Variants in C6orf132 observed in about 807,000 individuals in gnomAD.
C6orf132 encodes the protein uncharacterized protein C6orf132.
A neutral mutation model predicts 65.3 loss-of-function variants in C6orf132; 43 were observed. That is an observed-to-expected ratio of 0.66 (90% CI 0.52 to 0.85). The LOEUF is 0.85. Among genes scored for constraint, C6orf132 ranks in the 40% least tolerant of loss-of-function variants. The pLI, the probability that C6orf132 is intolerant of heterozygous loss-of-function variation, is 0.00. For synonymous variants in C6orf132, 631 were observed against 654.1 expected (o/e 0.96, Z 0.54); for missense variants, 1,488 against 1,548.8 (o/e 0.96, Z 0.66).
chr6:42,119,246 C>T (rs1766638160), intron 2 of C6orf132, among the ~76,000 whole-genome samples: 1 of 38,230 alleles, frequency 2.6e-5, no homozygotes, highest in African/African-American at 1.4e-4. Flanking sequence ...AAGACTCTGT[C>T]TCAAAAAAAA....
chr6:42,117,810 G>C (rs942188435), intron 2 of C6orf132, among the ~76,000 whole-genome samples: 2 of 146,958 alleles, frequency 1.4e-5, no homozygotes, highest in Non-Finnish European at 3.0e-5. Context: ...TGTAATCCCA[G>C]CTACTTGGGA....
At chr6:42,109,793 C>A (rs1766468337) in intron 3 of C6orf132, among the ~76,000 whole-genome samples, 1 of 152,154 alleles carries the variant, frequency 6.6e-6, no homozygotes, top group African/African-American at 2.4e-5. Context: ...TACATCCCAT[C>A]CACCACTTCA....
Position 42,103,643 on chromosome 6 carries a change from T to G in C6orf132, c.*118A>C. ...TTGGTCTTTGGGGATCAAAGACTCC[T>G]CTGTGTCTGAGTCAGGTCGCCCAAC... On this transcript the variant is annotated 3_prime_UTR_variant, in exon 5 of 5. Coordinates refer to ENST00000341865, the MANE Select transcript of C6orf132 (RefSeq NM_001164446.3). 2.0e-6 allele frequency: 1 copy of G among 505,924 alleles called. No individual in the cohort carries two copies. Among genetic ancestry groups the G allele is most frequent in the Non-Finnish European group, 3.1e-6 (1 of 317,598 alleles). The allele number at this position is 505,924 out of a possible 1,614,324, so 31.3% of individuals were successfully genotyped here.
Position 42,104,765 on chromosome 6 carries a change from C to G in C6orf132, c.3147G>C (p.Gly1049=). The part of the protein sequence containing the change: ...FPAGARYAGA[G]GLERFSGGGR... ...CCCCTCCCGAGAAGCGCTCCAGGCC[C>G]CCAGCCCCGGCGTAGCGCGCGCCCG... Residue 1049 remains glycine, a synonymous_variant, in exon 4 of 5, where the codon GGG becomes GGC. Transcript: ENST00000341865. This position sits in a 1 kb window ranked among gnomAD's most constrained non-coding sequence, Gnocchi z 4.1. 3.3e-6 allele frequency: 5 copies of G among 1,514,342 alleles called. No individual in the cohort carries two copies. Among genetic ancestry groups the G allele is most frequent in the Non-Finnish European group, 4.4e-6 (5 of 1,137,702 alleles). The allele number at this position is 1,514,342 out of a possible 1,614,324, so 93.8% of individuals were successfully genotyped here.
chr6:42,107,849 G>C (rs1562034177), intron 3 of C6orf132, among the ~76,000 whole-genome samples: 1 of 152,090 alleles, frequency 6.6e-6, no homozygotes, highest in Admixed American at 6.6e-5. Flanking sequence ...TGCCTCCCCA[G>C]AGTCACCCTC....
chr6:42,103,392 C>G lies in C6orf132; in HGVS notation c.*369G>C. The G allele has an allele frequency of 2.5e-6, 1 of 396,718 alleles. No individual in the cohort carries two copies. Among genetic ancestry groups the G allele is most frequent in the Admixed American group, 4.4e-5 (1 of 22,690 alleles). The allele number at this position is 396,718 out of a possible 1,614,324, so 24.6% of individuals were successfully genotyped here. A position where few individuals can be genotyped will look rare whatever the true frequency, so the allele number is the denominator to read the frequency against. ...AGTTCAGTCAGTGCCCCACCCCTTG[C>G]TTTCAGAACCTGCTCAGTAGGCCGT... On this transcript the variant is annotated 3_prime_UTR_variant, in exon 5 of 5. Coordinates refer to ENST00000341865, the MANE Select transcript of C6orf132 (RefSeq NM_001164446.3).
chr6:42,136,275 G>A (rs1766940400), intron 1 of C6orf132, among the ~76,000 whole-genome samples: 1 of 151,988 alleles, frequency 6.6e-6, no homozygotes, highest in Non-Finnish European at 1.5e-5. Context: ...TTGTCGGGCT[G>A]TTTCCCCACC....
chr6:42,135,663 G>T (rs1766930415), intron 1 of C6orf132, among the ~76,000 whole-genome samples: 1 of 152,204 alleles, frequency 6.6e-6, no homozygotes, highest in African/African-American at 2.4e-5. Flanking sequence ...CCACATTCTA[G>T]CTAGGTCCAA....
At chr6:42,122,441 C>A (rs566487347) in intron 2 of C6orf132, among the ~76,000 whole-genome samples, 3 of 152,140 alleles carry the variant, frequency 2.0e-5, no homozygotes, top group African/African-American at 2.4e-5. Context: ...TGTTTATGGG[C>A]CAGGATGAAG....
intron 3 of C6orf132, among the ~76,000 whole-genome samples, chr6:42,108,252 C>G (rs1297562217): frequency 6.6e-6 from 1 of 152,150 alleles, no homozygotes; most frequent in Non-Finnish European, 1.5e-5. Flanking sequence ...CCTTGCTGAG[C>G]CTCAGTTTCC....
At chr6:42,116,500 A>T (rs1766582349) in intron 2 of C6orf132, among the ~76,000 whole-genome samples, 1 of 151,116 alleles carries the variant, frequency 6.6e-6, no homozygotes. Context: ...ACCATCCCTC[A>T]CCCAGATGAA....
rs1316527770 is a variant in C6orf132, at chr6:42,105,445, G to A, written c.2467C>T (p.Leu823Phe). Residue 823 changes from leucine to phenylalanine, a missense_variant, in exon 4 of 5, where the codon CTC becomes TTC. Coordinates refer to ENST00000341865, the MANE Select transcript of C6orf132 (RefSeq NM_001164446.3). ...PPASAQPTDE[L>F]LRHPVTGEVV... ...TCCCCAGTCACCGGGTGCCTGAGGA[G>A]TTCATCAGTGGGCTGGGCCGAGGCA... is the stretch of plus-strand genomic sequence containing the variant. 2.0e-5 allele frequency: 30 copies of A among 1,535,198 alleles called. No homozygotes were observed. Among genetic ancestry groups the A allele is most frequent in the Non-Finnish European group, 2.6e-5 (30 of 1,146,076 alleles).
In C6orf132 at chr6:42,101,860, C is replaced by T. The variant is rs1174056948; in HGVS notation, c.*1901G>A. The T allele has an allele frequency of 2.0e-5, 3 of 152,202 alleles. No homozygotes were observed. Among genetic ancestry groups the T allele is most frequent in the Non-Finnish European group, 1.5e-5 (1 of 68,048 alleles). 9.4% of individuals were successfully genotyped at this position (152,202 alleles called of 1,614,324 possible). A position where few individuals can be genotyped will look rare whatever the true frequency, so the allele number is the denominator to read the frequency against. On this transcript the variant is annotated 3_prime_UTR_variant, in exon 5 of 5. Coordinates refer to ENST00000341865, the MANE Select transcript of C6orf132 (RefSeq NM_001164446.3). ...TCCCTAAAGTGGCTCACCTGCTGTC[C>T]TGACAACCAGCCTCGGCTGGTTACC... is the stretch of plus-strand genomic sequence containing the variant.
At position 42,104,802 on chromosome 6, in the gene C6orf132, G is replaced by C. The variant is rs1449728841; in HGVS notation, c.3110C>G (p.Ser1037Trp). 2.0e-6 allele frequency: 3 copies of C among 1,487,898 alleles called. No homozygotes were observed. The highest frequency in any genetic ancestry group is 2.8e-5 in the African/African-American group (2 of 70,394). The allele number at this position is 1,487,898 out of a possible 1,614,324, so 92.2% of individuals were successfully genotyped here. A position where few individuals can be genotyped will look rare whatever the true frequency, so the allele number is the denominator to read the frequency against. ...GPGAPPALGF[S>W]RFPAGARYAG... is the part of the protein sequence containing the mutation. ...GTAGCGCGCGCCCGCGGGAAAGCGC[G>C]AGAAGCCGAGAGCCGGGGGCGCCCC... The change falls in exon 4 of 5, where the codon TCG becomes TGG. Residue 1037 changes from serine (S) to tryptophan (W), a missense_variant. Physicochemically the swap from Ser to Trp is radical, Grantham distance 177. Transcript: ENST00000341865. This position sits in a 1 kb window ranked among gnomAD's most constrained non-coding sequence, Gnocchi z 4.1.
At chr6:42,141,384 C>G (rs1024466392) in intron 1 of C6orf132, among the ~76,000 whole-genome samples, 1 of 152,208 alleles carries the variant, frequency 6.6e-6, no homozygotes, top group Non-Finnish European at 1.5e-5. Context: ...CCCCCCCAAC[C>G]TGGGCGTTCC....
chr6:42,111,571 C>T (rs563437135), intron 2 of C6orf132, among the ~76,000 whole-genome samples: 233 of 151,944 alleles, frequency 1.5e-3, no homozygotes, highest in African/African-American at 4.6e-3. Flanking sequence ...TGTGAGCCAC[C>T]GCGCCCAGCC....
intron 1 of C6orf132, among the ~76,000 whole-genome samples, chr6:42,141,378 C>A (rs555484103): frequency 9.8e-5 from 15 of 152,324 alleles, no homozygotes; most frequent in South Asian, 4.1e-4. Context: ...CCCCTGCCCC[C>A]CCAACCTGGG....
rs1486444717 is a variant in C6orf132, at chr6:42,106,038, A to T, written c.1874T>A (p.Leu625Gln). ...GGGCTGGAGTGATGTAGTTGGCAGC[A>T]GGGTGGTGGATTGAGGTGGCAGATT... ...AKNLPPQSTT[L>Q]LPTTSLQPKA... Residue 625 changes from leucine (L) to glutamine (Q), a missense_variant, in exon 4 of 5, where the codon CTG (leucine) becomes CAG (glutamine). By Grantham distance (113) the Leu-to-Gln change is moderately radical. Transcript: ENST00000341865. 3 of 1,537,202 alleles carry T rather than the reference A, an allele frequency of 2.0e-6. No homozygotes were observed. Among genetic ancestry groups the T allele is most frequent in the Admixed American group, 3.9e-5 (2 of 50,996 alleles).
At chr6:42,128,624 T>A (rs1257492780) in intron 2 of C6orf132, 48 bp downstream of exon 2, 1 of 1,437,668 alleles carries the variant, frequency 7.0e-7, no homozygotes, top group African/African-American at 1.4e-5. Context: ...AGCCTTGGTG[T>A]CCCCAGCCAG....
Sources: allele counts gnomAD v4.1 joint callset (sites outside exome capture counted in the v4.1 genomes callset), GRCh38; gene constraint gnomAD v4.1.1; non-coding constraint Gnocchi (gnomAD v3.1); transcripts MANE v1.5; gene names NCBI Gene and HGNC (gene_info 2026-07-23, HGNC 2026-07-21).